The following DMD variants were observed in gnomAD, a reference collection of about 807,000 sequenced individuals.
The protein encoded by DMD is mutant dystrophin.
DMD carries 63 observed loss-of-function variants against 330.1 expected under a neutral mutation model. The ratio of observed to expected loss-of-function variants is 0.19; its 90% CI spans 0.16 to 0.24. The LOEUF is 0.24. Ranked by LOEUF, DMD falls within the 10% of genes least tolerant of loss-of-function variation. The pLI is 1.00. For missense variants in DMD, 3,344 were observed against 2,684.1 expected, an observed-to-expected ratio of 1.25 and a Z score of -5.43; for synonymous variants, 1,223 against 959.8, an observed-to-expected ratio of 1.27 and a Z score of -5.07.
rs564710343 is a variant in DMD, at chrX:32,224,799, G to C, written c.6291-7736C>G. On this transcript the variant is annotated intron_variant, in intron 43 of 78. Coordinates refer to ENST00000357033, the MANE Select transcript of DMD (RefSeq NM_004006.3). ...TCAAATACGTTTGGAGTCATACTTT[G>C]ATTTTAAGTTTCTCACAGTGTTTAT... Among the ~76,000 whole-genome samples the C allele has an allele frequency of 2.7e-5, 3 of 111,575 alleles. No individual in the cohort carries two copies. The East Asian group carries it at 8.5e-4, about 31-fold the overall frequency.
intron 12 of DMD, among the ~76,000 whole-genome samples, chrX:32,613,177 C>A (rs964972831): frequency 1.8e-5 from 2 of 111,169 alleles, no homozygotes; most frequent in Non-Finnish European, 3.8e-5. Context: ...TTGGGACACA[C>A]ACTAAGAAAA....
chrX:32,794,138 T>C (rs890549205), intron 7 of DMD, among the ~76,000 whole-genome samples: 18 of 111,922 alleles, frequency 1.6e-4, no homozygotes, highest in African/African-American at 5.8e-4. Flanking sequence ...ATCCTTTCAA[T>C]AGACACAAAA....
chrX:32,897,373 T>C (rs899724053), intron 2 of DMD, among the ~76,000 whole-genome samples: 4 of 110,045 alleles, frequency 3.6e-5, no homozygotes, highest in Non-Finnish European at 7.6e-5. Flanking sequence ...AATGAAGAGG[T>C]GAAGGGAAAA....
Position 32,203,571 on chromosome X carries a change from A to C in DMD, c.6438+13345T>G, listed in dbSNP as rs929748007. 3.6e-5 allele frequency among the ~76,000 whole-genome samples: 4 copies of C among 112,230 alleles called. No individual in the cohort carries two copies. The South Asian group carries it at 1.5e-3, about 41-fold the overall frequency. ...TATTCTGAAAGGGAGGCAATTACTA[A>C]ATCCTTGGCTATGATCTTCAAAGGG... On this transcript the variant is annotated intron_variant, in intron 44 of 78. Coordinates refer to ENST00000357033, the MANE Select transcript of DMD (RefSeq NM_004006.3).
chrX:32,343,360 A>G lies in DMD; in HGVS notation c.5587-74T>C. 3.1e-6 allele frequency: 3 copies of G among 956,516 alleles called. No individual in the cohort carries two copies. In the South Asian group the frequency reaches 6.4e-5, roughly 21 times the overall value. 78.8% of individuals were successfully genotyped at this position (956,516 alleles called of 1,213,427 possible). On this transcript the variant is annotated intron_variant, in intron 39 of 78. Coordinates refer to ENST00000357033, the MANE Select transcript of DMD (RefSeq NM_004006.3). Reference sequence around the variant, plus strand: ...CACTTCTGGCTGCAGTTATTTATCAAAATAATTTGCGTCCCTCATCTTTTT... The same window carrying G: ...CACTTCTGGCTGCAGTTATTTATCAGAATAATTTGCGTCCCTCATCTTTTT...
At chrX:32,481,271 T>C (rs896021421) in intron 21 of DMD, among the ~76,000 whole-genome samples, 1 of 111,351 alleles carries the variant, frequency 9.0e-6, no homozygotes. Flanking sequence ...TTGAAATGAT[T>C]TTTCTTTATC....
At chrX:31,143,774 G>A (rs766505950) in intron 76 of DMD, among the ~76,000 whole-genome samples, 1 of 111,490 alleles carries the variant, frequency 9.0e-6, no homozygotes, top group South Asian at 3.8e-4. Flanking sequence ...AATTATTAAT[G>A]CTTCTAAGCA....
chrX:31,169,405 C>G, intron 74 of DMD, 38 bp downstream of exon 74: 2 of 1,093,932 alleles, frequency 1.8e-6, no homozygotes, highest in East Asian at 3.0e-5. Context: ...AGTGTATGCA[C>G]TCTGCATACC....
chrX:32,786,086 A>T (rs868254111), intron 7 of DMD, among the ~76,000 whole-genome samples: 1 of 96,547 alleles, frequency 1.0e-5, no homozygotes, highest in Non-Finnish European at 2.1e-5. Flanking sequence ...GAGGAATAAG[A>T]GTGTGTGTGT....
At chrX:32,924,652 G>A (rs1422645700) in intron 2 of DMD, among the ~76,000 whole-genome samples, 1 of 112,156 alleles carries the variant, frequency 8.9e-6, no homozygotes, top group Non-Finnish European at 1.9e-5. Flanking sequence ...GAATTTATTA[G>A]CTTTATGTTT....
intron 1 of DMD, among the ~76,000 whole-genome samples, chrX:33,228,772 C>A (rs752927094): frequency 5.0e-4 from 54 of 107,455 alleles, no homozygotes; most frequent in Non-Finnish European, 9.9e-4. Flanking sequence ...TAAACATACA[C>A]AGTGTTTGTT....
chrX:32,454,646 CTT>C lies in DMD; in HGVS notation c.3603+14_3603+15del, dbSNP rs5902031. 1,169 of 976,343 alleles carry C rather than the reference CTT, an allele frequency of 1.2e-3. No homozygotes were observed. Among genetic ancestry groups the C allele is most frequent in the African/African-American group, 2.1e-3 (100 of 47,650 alleles). The allele number at this position is 976,343 out of a possible 1,213,427, so 80.5% of individuals were successfully genotyped here. A position where few individuals can be genotyped will look rare whatever the true frequency, so the allele number is the denominator to read the frequency against. Reference sequence around the variant, plus strand: ...ATTTCCTTTGTTTTACTTAGTTTTTCTTTTTTTTTTTTTACCTTCATCTCTTC... The same window carrying C: ...ATTTCCTTTGTTTTACTTAGTTTTTCTTTTTTTTTTTACCTTCATCTCTTC... On this transcript the variant is annotated intron_variant, in intron 26 of 78. Transcript: ENST00000357033.
chrX:33,190,949 A>AT (rs1341120312), intron 1 of DMD, among the ~76,000 whole-genome samples: 1 of 786 alleles, frequency 1.3e-3, no homozygotes, highest in Non-Finnish European at 3.7e-3. Flanking sequence ...TATAATATAT[A>AT]ATATTATATA....
intron 45 of DMD, among the ~76,000 whole-genome samples, chrX:31,933,660 A>G (rs1412844547): frequency 8.9e-6 from 1 of 111,769 alleles, no homozygotes; most frequent in Admixed American, 9.5e-5. Flanking sequence ...AGAGAAGGAA[A>G]TAGAATATTA....
At chrX:32,403,964 C>G (rs73463873) in intron 30 of DMD, among the ~76,000 whole-genome samples, 2,898 of 111,675 alleles carry the variant, frequency 0.026, 93 homozygotes, top group African/African-American at 0.082. Context: ...GTTTGGCAAT[C>G]AAATATGCCT....
chrX:32,984,300 G>A (rs1207269263), intron 2 of DMD, among the ~76,000 whole-genome samples: 4 of 112,335 alleles, frequency 3.6e-5, no homozygotes, highest in Non-Finnish European at 5.6e-5. Context: ...TGTTCCCCAG[G>A]CTGGAGCGCA....
chrX:31,829,223 G>A (rs1184023883), intron 49 of DMD, among the ~76,000 whole-genome samples: 1 of 110,849 alleles, frequency 9.0e-6, no homozygotes, highest in African/African-American at 3.3e-5. Flanking sequence ...GGGACTCTAA[G>A]TGGGGAGCTT....
At position 31,600,401 on chromosome X, in the gene DMD, G is replaced by GTAT. The variant is rs759072849; in HGVS notation, c.8217+27269_8217+27271dup. On this transcript the variant is annotated intron_variant, in intron 55 of 78. Coordinates refer to ENST00000357033, the MANE Select transcript of DMD (RefSeq NM_004006.3). ...TAGAGGTTATACATTCAAAGAAGGA[G>GTAT]TATTATTATTAGGTGCCTAAAATTG... Among the ~76,000 whole-genome samples, 4 of 109,999 alleles carry GTAT rather than the reference G, an allele frequency of 3.6e-5. No individual in the cohort carries two copies. In the Admixed American group the frequency reaches 3.9e-4, roughly 11 times the overall value.
chrX:32,168,998 C>A (rs2096878111), intron 44 of DMD, among the ~76,000 whole-genome samples: 1 of 112,227 alleles, frequency 8.9e-6, no homozygotes, highest in Non-Finnish European at 1.9e-5. Flanking sequence ...CTGCTTTGAG[C>A]TGATTGGTTG....
Sources: allele counts gnomAD v4.1 joint callset (sites outside exome capture counted in the v4.1 genomes callset), GRCh38; gene constraint gnomAD v4.1.1; transcripts MANE v1.5; gene names NCBI Gene and HGNC (gene_info 2026-07-23, HGNC 2026-07-21).